The following AATK variants were observed in gnomAD, a reference collection of about 807,000 sequenced individuals.
AATK encodes lemur tail kinase 1, also known as serine/threonine-protein kinase LMTK1.
AATK carries 91 observed loss-of-function variants against 114.3 expected under a neutral mutation model. The observed-to-expected ratio is 0.80, with a 90% CI of 0.67 to 0.95. The LOEUF (loss-of-function observed/expected upper bound fraction) is 0.95, where lower values mean the gene tolerates loss of function less well. Among genes scored for constraint, AATK ranks in the 40% least tolerant of loss-of-function variants. The pLI is 0.00. For synonymous variants in AATK, 1,075 were observed against 916.5 expected (o/e 1.17, Z -3.12); for missense variants, 2,176 against 1,965.2 (o/e 1.11, Z -2.03).
At position 81,119,971 on chromosome 17, in the gene AATK, G is replaced by T; in HGVS notation, c.3848C>A (p.Ala1283Asp). The T allele has an allele frequency of 6.9e-7, 1 of 1,450,272 alleles. No individual in the cohort carries two copies. Among genetic ancestry groups the T allele is most frequent in the Non-Finnish European group, 9.1e-7 (1 of 1,102,194 alleles). 89.8% of individuals were successfully genotyped at this position (1,450,272 alleles called of 1,614,324 possible). Residue 1283 changes from alanine (A) to aspartate (D), a missense_variant, in exon 12 of 14, where the codon GCT (alanine) becomes GAT (aspartate). Ala to Asp is a moderately radical substitution (Grantham distance 126). Around this residue, in one of 4 missense-constraint regions of AATK, gnomAD observed 1,701 missense variants for 1,394.7 expected, o/e 1.22. Transcript: ENST00000326724. The stretch of plus-strand genomic sequence containing the variant: ...TGTGGAGCCATTTGGGGAGCCATCA[G>T]CCTGCTGCGGCCGGTTGGGGGCGCT... ...SPSAPNRPQQADGSPNGSTAE... is the reference protein window; with the variant it reads ...SPSAPNRPQQDDGSPNGSTAE...
intron 1 of AATK, among the ~76,000 whole-genome samples, chr17:81,159,496 C>T (rs1249893433): frequency 1.3e-5 from 2 of 152,166 alleles, no homozygotes; most frequent in Non-Finnish European, 2.9e-5. Flanking sequence ...ACTAGGAAGC[C>T]ACACGCCTTT....
At chr17:81,158,411 A>T (rs1357626452) in intron 1 of AATK, among the ~76,000 whole-genome samples, 1 of 152,218 alleles carries the variant, frequency 6.6e-6, no homozygotes, top group Non-Finnish European at 1.5e-5. Context: ...GTCTGCACCC[A>T]GCTCCCTGGG....
chr17:81,137,708 C>G (rs571652592), intron 1 of AATK, among the ~76,000 whole-genome samples: 2 of 151,336 alleles, frequency 1.3e-5, no homozygotes, highest in East Asian at 3.9e-4. Context: ...AACACACATG[C>G]ACACACACCT....
At chr17:81,138,044 GCA>G (rs1220276720) in intron 1 of AATK, among the ~76,000 whole-genome samples, 1 of 140,490 alleles carries the variant, frequency 7.1e-6, no homozygotes, top group Admixed American at 7.1e-5. Context: ...ACACCCACGT[GCA>G]CACAGACCCA....
rs769781988 is a variant in AATK, at chr17:81,120,772, ACCTCCCCGGGGCCAGAGCCTTGTG to A, written c.3140_3163del (p.Ala1047_Glu1054del). On this transcript the variant is annotated inframe_deletion, in exon 11 of 14. Transcript: ENST00000326724. The stretch of plus-strand genomic sequence containing the variant: ...TTCAAGCTGCAGCAGTGGGGGCAGC[ACCTCCCCGGGGCCAGAGCCTTGTG>A]CCTCCCCGGAAACCCCAGGCCTGAG... The A allele has an allele frequency of 1.1e-5, 18 of 1,570,162 alleles. No homozygotes were observed. The East Asian group carries it at 3.1e-4, about 27-fold the overall frequency.
Position 81,123,251 on chromosome 17 carries a change from C to A in AATK, c.1055G>T (p.Arg352Leu). 2 of 1,410,504 alleles carry A rather than the reference C, an allele frequency of 1.4e-6. No individual in the cohort carries two copies. Among genetic ancestry groups the A allele is most frequent in the South Asian group, 1.6e-5 (1 of 64,188 alleles). 87.4% of individuals were successfully genotyped at this position (1,410,504 alleles called of 1,614,324 possible). A position where few individuals can be genotyped will look rare whatever the true frequency, so the allele number is the denominator to read the frequency against. ...CTTGGGCAGCTTGAGCTGCTGCTCC[C>A]GGACCGTGTACGCCAGCACCTGCTG... ...SDQQVLAYTVREQQLKLPKPQ... is the reference protein window; with the variant it reads ...SDQQVLAYTVLEQQLKLPKPQ... Residue 352 changes from arginine (R) to leucine (L), a missense_variant, in exon 10 of 14, where the codon CGG becomes CTG. Around this residue, in one of 4 missense-constraint regions of AATK, gnomAD observed 273 missense variants for 344.1 expected, o/e 0.79. Transcript: ENST00000326724.
At chr17:81,150,855 C>T (rs983235781) in intron 1 of AATK, among the ~76,000 whole-genome samples, 7 of 152,310 alleles carry the variant, frequency 4.6e-5, no homozygotes, top group East Asian at 1.9e-4. Context: ...AACAGGATCC[C>T]GTGCAGGAAG....
At position 81,161,584 on chromosome 17, in the gene AATK, G is replaced by A. The variant is rs111411671; in HGVS notation, c.55+4354C>T. On this transcript the variant is annotated intron_variant, in intron 1 of 13. Transcript: ENST00000326724. ...CGGGGTGGTGGGTGAGTGCAGAGAGGACGTGAACAGTCACCAGCCCTGGAG... is the reference window on the plus strand; with the variant it reads ...CGGGGTGGTGGGTGAGTGCAGAGAGAACGTGAACAGTCACCAGCCCTGGAG... Among the ~76,000 whole-genome samples, 467 of 152,296 alleles carry A rather than the reference G, an allele frequency of 3.1e-3. 4 individuals carry two copies. Among genetic ancestry groups the A allele is most frequent in the Non-Finnish European group, 5.0e-3 (343 of 68,028 alleles).
chr17:81,129,070 G>A (rs1474415738), intron 3 of AATK: 3 of 283,736 alleles, frequency 1.1e-5, no homozygotes, highest in Non-Finnish European at 1.6e-5. Context: ...GAGGTCAGCG[G>A]GAGGAAGGGT....
rs764985285 is a variant in AATK at position 81,154,202 on chromosome 17, G to C, written c.55+11736C>G. 1.5e-3 allele frequency among the ~76,000 whole-genome samples: 226 copies of C among 152,104 alleles called. 1 individual carries two copies. Among genetic ancestry groups the C allele is most frequent in the Non-Finnish European group, 2.8e-3 (190 of 68,022 alleles). On this transcript the variant is annotated intron_variant, in intron 1 of 13. Transcript: ENST00000326724. The stretch of plus-strand genomic sequence containing the variant: ...TCGTCGAAACGCACAGCCTCACCAT[G>C]TGGTAGTGAGAGGCAGCCAGCTCTT...
intron 1 of AATK, among the ~76,000 whole-genome samples, chr17:81,147,827 G>T (rs2061242066): frequency 6.6e-6 from 1 of 152,142 alleles, no homozygotes; most frequent in South Asian, 2.1e-4. Context: ...AGCAGGACGT[G>T]CAGGACTCCC....
chr17:81,121,478 G>A lies in AATK; in HGVS notation c.2458C>T (p.Pro820Ser). Residue 820 changes from proline to serine, a missense_variant, in exon 11 of 14, where the codon CCT becomes TCT. Pro to Ser is a moderately conservative substitution (Grantham distance 74, BLOSUM62 -1). Coordinates refer to ENST00000326724, the MANE Select transcript of AATK (RefSeq NM_001080395.3). ...PSEEASAPDAPDALPDSPTPA... is the reference protein window; with the variant it reads ...PSEEASAPDASDALPDSPTPA... ...GTGGGAGAGTCAGGCAGGGCATCAGGGGCGTCGGGGGCACTGGCCTCCTCC... is the reference window on the plus strand; with the variant it reads ...GTGGGAGAGTCAGGCAGGGCATCAGAGGCGTCGGGGGCACTGGCCTCCTCC... 1.9e-6 allele frequency: 3 copies of A among 1,568,992 alleles called. No homozygotes were observed. Among genetic ancestry groups the A allele is most frequent in the Non-Finnish European group, 2.6e-6 (3 of 1,155,984 alleles).
rs760263888 is a variant in AATK at position 81,125,018 on chromosome 17, CAGGCAG to C, written c.756-10_756-5del. 3.9e-6 allele frequency: 6 copies of C among 1,521,726 alleles called. No homozygotes were observed. Among genetic ancestry groups the C allele is most frequent in the East Asian group, 4.8e-5 (2 of 41,370 alleles). 94.3% of individuals were successfully genotyped at this position (1,521,726 alleles called of 1,614,324 possible). ...GCAGTTCCGCAGGGCCAGGTCGCTG[CAGGCAG>C]GGGCAGGGGCAGGGGCAGGGTGAGC... On this transcript the variant is annotated splice_polypyrimidine_tract_variant and splice_region_variant and intron_variant, in intron 7 of 13. Transcript: ENST00000326724.
rs542044838 is a variant in AATK, at chr17:81,163,969, T to C, written c.55+1969A>G. ...CAAGCGTGGGCCCCTCCCCTCTGGGTGCCCCCCCACAGACACAAGCAGCCT... is the reference window on the plus strand; with the variant it reads ...CAAGCGTGGGCCCCTCCCCTCTGGGCGCCCCCCCACAGACACAAGCAGCCT... On this transcript the variant is annotated intron_variant, in intron 1 of 13. Coordinates refer to ENST00000326724, the MANE Select transcript of AATK (RefSeq NM_001080395.3). Among the ~76,000 whole-genome samples, 79 of 152,154 alleles carry C rather than the reference T, an allele frequency of 5.2e-4. No individual in the cohort carries two copies. The East Asian group carries it at 0.014, about 27-fold the overall frequency.
At chr17:81,160,659 G>C (rs899346759) in intron 1 of AATK, among the ~76,000 whole-genome samples, 1 of 152,176 alleles carries the variant, frequency 6.6e-6, no homozygotes, top group African/African-American at 2.4e-5. Context: ...TGTGCCACCA[G>C]GGACAGGACC....
intron 4 of AATK, among the ~76,000 whole-genome samples, chr17:81,128,125 C>G (rs571620626): frequency 6.8e-6 from 1 of 147,630 alleles, no homozygotes; most frequent in African/African-American, 2.6e-5. Context: ...TTACTCTCCC[C>G]ACAAGGTCCC....
rs1178775879 is a variant in AATK at position 81,122,602 on chromosome 17, G to A, written c.1334C>T (p.Ser445Leu). Residue 445 changes from serine (S) to leucine (L), a missense_variant, in exon 11 of 14, where the codon TCG (serine) becomes TTG (leucine). Transcript: ENST00000326724. Reference sequence around the variant, plus strand: ...GAACTGCTCCAGCAGCGGGAAGGACGAGGCAGCGGCGAGCTCCACCACGCC... The same window carrying A: ...GAACTGCTCCAGCAGCGGGAAGGACAAGGCAGCGGCGAGCTCCACCACGCC... ...LGGVVELAAASSFPLLEQFAG... is the reference protein window; with the variant it reads ...LGGVVELAAALSFPLLEQFAG... 35 of 1,428,600 alleles carry A rather than the reference G, an allele frequency of 2.4e-5. No individual in the cohort carries two copies. The highest frequency in any genetic ancestry group is 3.1e-5 in the Non-Finnish European group (34 of 1,081,112). 88.5% of individuals were successfully genotyped at this position (1,428,600 alleles called of 1,614,324 possible). A position where few individuals can be genotyped will look rare whatever the true frequency, so the allele number is the denominator to read the frequency against.
At chr17:81,145,832 G>T (rs2061210842) in intron 1 of AATK, among the ~76,000 whole-genome samples, 1 of 151,710 alleles carries the variant, frequency 6.6e-6, no homozygotes, top group African/African-American at 2.4e-5. Context: ...ATGTCGAAGA[G>T]CTGATGTCAT....
At chr17:81,119,346 G>GTGCCCTACCTCTCGCT in intron 13 of AATK, 34 bp downstream of exon 13, 2 of 1,536,478 alleles carry the variant, frequency 1.3e-6, no homozygotes, top group South Asian at 1.2e-5. Flanking sequence ...TGCCTCCCGC[G>GTGCCCTACCTCTCGCT]TGCCCTTCTG....
Sources: allele counts gnomAD v4.1 joint callset (sites outside exome capture counted in the v4.1 genomes callset), GRCh38; gene constraint gnomAD v4.1.1; regional missense constraint gnomAD v4.1.1; transcripts MANE v1.5; gene names NCBI Gene and HGNC (gene_info 2026-07-23, HGNC 2026-07-21).